TNPO1: variants seen among roughly 807,000 people sequenced by gnomAD.
The protein encoded by TNPO1 is transportin 1.
A neutral mutation model predicts 119.5 loss-of-function variants in TNPO1; 8 were observed. That is an observed-to-expected ratio of 0.07 (90% CI 0.04 to 0.12). The LOEUF is 0.12. TNPO1 is among the 10% of genes least tolerant of loss of function. TNPO1 has a pLI of 1.00. For synonymous variants in TNPO1, 362 were observed against 363.0 expected (o/e 1.00, Z 0.03); for missense variants, 576 against 1,089.8 (o/e 0.53, Z 6.64).
At chr5:72,906,813 A>C (rs889112085) in intron 24 of TNPO1, among the ~76,000 whole-genome samples, 15 of 152,314 alleles carry the variant, frequency 9.8e-5, no homozygotes, top group Admixed American at 4.6e-4. Context: ...AAGTTGACTC[A>C]GTAAAGGTTA....
At chr5:72,861,682 C>T (rs1292562930) in intron 4 of TNPO1, 126 bp from the exon 5 acceptor site, 8 of 658,614 alleles carry the variant, frequency 1.2e-5, no homozygotes, top group Admixed American at 2.4e-5. Context: ...GGGATTACAG[C>T]ATGAGCCACC....
intron 20 of TNPO1, among the ~76,000 whole-genome samples, chr5:72,897,487 A>AT (rs1749516047): frequency 1.8e-5 from 2 of 113,402 alleles, no homozygotes; most frequent in Non-Finnish European, 4.2e-5. Context: ...GCTGGGAAGT[A>AT]ATTTTTTTTT....
At chr5:72,899,051 C>T (rs1379215224) in intron 20 of TNPO1, among the ~76,000 whole-genome samples, 1 of 152,020 alleles carries the variant, frequency 6.6e-6, no homozygotes, top group African/African-American at 2.4e-5. Context: ...CTTATTTTAG[C>T]TCTTTGTAAG....
intron 4 of TNPO1, among the ~76,000 whole-genome samples, chr5:72,858,451 A>C (rs937582886): frequency 1.3e-5 from 2 of 152,134 alleles, no homozygotes; most frequent in African/African-American, 4.8e-5. Context: ...CCTCCACCCC[A>C]CTTTTTGATA....
At chr5:72,818,737 T>A (rs528078543) in intron 1 of TNPO1, among the ~76,000 whole-genome samples, 1 of 151,990 alleles carries the variant, frequency 6.6e-6, no homozygotes, top group Non-Finnish European at 1.5e-5. Flanking sequence ...AAAGATATCT[T>A]CCCCCCTCAA....
At chr5:72,874,416 A>G (rs1352076906) in intron 7 of TNPO1, among the ~76,000 whole-genome samples, 1 of 152,200 alleles carries the variant, frequency 6.6e-6, no homozygotes, top group African/African-American at 2.4e-5. Context: ...AGTAGTAACA[A>G]AAGTGACAAA....
In TNPO1 at chr5:72,855,806, T is replaced by C; in HGVS notation, c.238T>C (p.Leu80=). Residue 80 remains leucine, a synonymous_variant, in exon 4 of 25, where the codon TTG becomes CTG. Coordinates refer to ENST00000337273, the MANE Select transcript of TNPO1 (RefSeq NM_002270.4). ...EPTRSLSGLI[L]KNNVKAHFQN... ...CACAAGATCATTGAGTGGTCTTATC[T>C]TGAAGAATAATGTGAAAGCACACTT... The C allele has an allele frequency of 6.2e-7, 1 of 1,611,838 alleles. No homozygotes were observed. Among genetic ancestry groups the C allele is most frequent in the Non-Finnish European group, 8.5e-7 (1 of 1,179,568 alleles).
At chr5:72,863,730 C>A (rs1746661226) in intron 5 of TNPO1, among the ~76,000 whole-genome samples, 1 of 143,716 alleles carries the variant, frequency 7.0e-6, no homozygotes, top group African/African-American at 2.6e-5. Flanking sequence ...CACTGCACTC[C>A]AGCCATCTCA....
rs567080390 is a variant in TNPO1 at position 72,857,275 on chromosome 5, G to A, written c.355+1352G>A. On this transcript the variant is annotated intron_variant, in intron 4 of 24. Transcript: ENST00000337273. The stretch of plus-strand genomic sequence containing the variant: ...GCAGGTTGCAGTAAGCTGAGATCAC[G>A]CCATTGCACTGCAGCCTGGGTGACG... 1.1e-3 allele frequency among the ~76,000 whole-genome samples: 164 copies of A among 151,390 alleles called. 1 individual carries two copies. Among genetic ancestry groups the A allele is most frequent in the African/African-American group, 3.8e-3 (156 of 41,210 alleles).
chr5:72,860,860 G>T (rs1415992336), intron 4 of TNPO1, among the ~76,000 whole-genome samples: 1 of 151,942 alleles, frequency 6.6e-6, no homozygotes, highest in African/African-American at 2.4e-5. Flanking sequence ...AGTGTTAAGT[G>T]CTGCTAACGT....
chr5:72,898,582 A>G (rs977242572), intron 20 of TNPO1, among the ~76,000 whole-genome samples: 1 of 152,146 alleles, frequency 6.6e-6, no homozygotes, highest in Non-Finnish European at 1.5e-5. Context: ...AATGGCTAAT[A>G]TCTAGATTTT....
At chr5:72,848,641 G>C (rs369716) in intron 2 of TNPO1, 143 bp downstream of exon 2, 44,979 of 309,162 alleles carry the variant, frequency 0.15, 4,045 homozygotes, top group East Asian at 0.35. Flanking sequence ...GTCCGGGCGC[G>C]GGGGAAGCCG....
rs867335839 is a variant in TNPO1, at chr5:72,882,333, A to G, written c.921-134A>G. On this transcript the variant is annotated intron_variant, in intron 9 of 24. Transcript: ENST00000337273. ...CTTCAGTTAATGAGAGCAGACATAT[A>G]TCACTGAATAAGTTCAAAGACAATA... 1.2e-4 allele frequency: 69 copies of G among 559,034 alleles called. 1 individual carries two copies. Among genetic ancestry groups the G allele is most frequent in the African/African-American group, 1.2e-3 (63 of 52,918 alleles). The allele number at this position is 559,034 out of a possible 1,614,324, so 34.6% of individuals were successfully genotyped here.
intron 1 of TNPO1, among the ~76,000 whole-genome samples, chr5:72,840,299 C>T (rs1744853061): frequency 6.6e-6 from 1 of 152,096 alleles, no homozygotes; most frequent in Admixed American, 6.5e-5. Flanking sequence ...GGACACATTG[C>T]TTAAGTTCTC....
At chr5:72,903,495 A>G (rs1325908138) in intron 22 of TNPO1, among the ~76,000 whole-genome samples, 1 of 152,212 alleles carries the variant, frequency 6.6e-6, no homozygotes, top group African/African-American at 2.4e-5. Context: ...AAAGTCCAGT[A>G]TAAACTGAAT....
intron 4 of TNPO1, among the ~76,000 whole-genome samples, chr5:72,857,504 C>G (rs151131099): frequency 1.3e-5 from 2 of 152,306 alleles, no homozygotes; most frequent in Non-Finnish European, 2.9e-5. Flanking sequence ...CCCTAGATTA[C>G]TCTAATGTAC....
At chr5:72,816,794 G>A in intron 1 of TNPO1, 42 bp downstream of exon 1, 1 of 1,565,754 alleles carries the variant, frequency 6.4e-7, no homozygotes, top group Non-Finnish European at 8.6e-7. Flanking sequence ...TGCAGGGGCG[G>A]GAACGGAGGC....
In TNPO1 at chr5:72,910,921, ATAT is replaced by A. The variant is rs1211690795; in HGVS notation, c.*2252_*2254del. The A allele has an allele frequency of 2.0e-5, 3 of 151,970 alleles. No individual in the cohort carries two copies. The highest frequency in any genetic ancestry group is 4.8e-5 in the African/African-American group (2 of 41,388). 9.4% of individuals were successfully genotyped at this position (151,970 alleles called of 1,614,324 possible). Reference sequence around the variant, plus strand: ...TATTTTATAGTGCCTGATATTTTTAATATTATAAGTTGGATTCAAAGGGTATAC... The same window carrying A: ...TATTTTATAGTGCCTGATATTTTTAATATAAGTTGGATTCAAAGGGTATAC... On this transcript the variant is annotated 3_prime_UTR_variant, in exon 25 of 25. Transcript: ENST00000337273.
intron 6 of TNPO1, among the ~76,000 whole-genome samples, chr5:72,868,813 C>G (rs1747152885): frequency 6.6e-6 from 1 of 151,964 alleles, no homozygotes; most frequent in South Asian, 2.1e-4. Flanking sequence ...TCAAGACTAG[C>G]CTGGCCAACA....
Sources: allele counts gnomAD v4.1 joint callset (sites outside exome capture counted in the v4.1 genomes callset), GRCh38; gene constraint gnomAD v4.1.1; transcripts MANE v1.5; gene names NCBI Gene and HGNC (gene_info 2026-07-23, HGNC 2026-07-21).